The following TOX variants were observed in gnomAD, a reference collection of about 807,000 sequenced individuals.
The protein encoded by TOX is thymocyte selection associated high mobility group box.
In TOX, 11 loss-of-function variants were observed where a neutral mutation model predicts 53.7. The ratio of observed to expected loss-of-function variants is 0.20; its 90% CI spans 0.13 to 0.34. The LOEUF (loss-of-function observed/expected upper bound fraction) is 0.34, where lower values mean the gene tolerates loss of function less well. TOX is among the 10% of genes least tolerant of loss of function. TOX has a pLI of 1.00. For synonymous variants in TOX, 225 were observed against 245.3 expected, an observed-to-expected ratio of 0.92 and a Z score of 0.77; for missense variants, 570 against 664.6, an observed-to-expected ratio of 0.86 and a Z score of 1.56.
intron 1 of TOX, among the ~76,000 whole-genome samples, chr8:59,114,993 G>A (rs533111589): frequency 5.4e-4 from 82 of 152,048 alleles, no homozygotes; most frequent in African/African-American, 1.8e-3. Flanking sequence ...GCGTTTTTAC[G>A]AAAAAGAACA....
chr8:59,095,310 C>T (rs1309923790), intron 1 of TOX, among the ~76,000 whole-genome samples: 11 of 150,920 alleles, frequency 7.3e-5, no homozygotes, highest in Admixed American at 4.0e-4. Context: ...AAACAATTTA[C>T]GACTAGGACT....
chr8:59,045,046 T>G (rs1219981676), intron 1 of TOX, among the ~76,000 whole-genome samples: 1 of 152,260 alleles, frequency 6.6e-6, no homozygotes, highest in Non-Finnish European at 1.5e-5. Flanking sequence ...TTGTACAGAA[T>G]TGTTCTAATG....
chr8:58,869,264 T>A (rs1423823553), intron 3 of TOX, among the ~76,000 whole-genome samples: 1 of 146,722 alleles, frequency 6.8e-6, no homozygotes, highest in South Asian at 2.1e-4. Context: ...AAGTATAATA[T>A]GAATAAGTCT....
chr8:59,041,812 C>T (rs1381463238), intron 1 of TOX, among the ~76,000 whole-genome samples: 3 of 152,174 alleles, frequency 2.0e-5, no homozygotes, highest in Non-Finnish European at 4.4e-5. Context: ...CACTGTCTAC[C>T]ACCATCATGT....
chr8:59,101,180 T>C (rs1415266045), intron 1 of TOX, among the ~76,000 whole-genome samples: 2 of 152,200 alleles, frequency 1.3e-5, no homozygotes, highest in Admixed American at 6.5e-5. Context: ...AATATTAAAG[T>C]TGTCCATTTA....
chr8:58,949,091 G>A (rs1483757670), intron 2 of TOX, among the ~76,000 whole-genome samples: 1 of 152,158 alleles, frequency 6.6e-6, no homozygotes, highest in Admixed American at 6.5e-5. Flanking sequence ...CTATAAAATA[G>A]GGATGATGAT....
At position 58,895,063 on chromosome 8, in the gene TOX, C is replaced by T. The variant is rs140591932; in HGVS notation, c.412-43258G>A. ...ATTAGCTGGGCATGGTGGCAGGTAC[C>T]CGTAATCCCAGCTACTCAGGAGGCT... On this transcript the variant is annotated intron_variant, in intron 3 of 8. Coordinates refer to ENST00000361421, the MANE Select transcript of TOX (RefSeq NM_014729.3). Among the ~76,000 whole-genome samples, 32 of 152,092 alleles carry T rather than the reference C, an allele frequency of 2.1e-4. No individual in the cohort carries two copies. In the East Asian group the frequency reaches 5.6e-3, roughly 27 times the overall value.
At chr8:58,869,245 C>G (rs942803503) in intron 3 of TOX, among the ~76,000 whole-genome samples, 1 of 124,786 alleles carries the variant, frequency 8.0e-6, no homozygotes, top group Non-Finnish European at 1.7e-5. Flanking sequence ...AAAAAAAAAG[C>G]GTTAATAGAA....
chr8:58,988,315 G>A lies in TOX; in HGVS notation c.103-28307C>T, dbSNP rs199594956. ...AACTAATGGTCACAGGCCAAATCTG[G>A]TCTGCTGTCTGCTTTTATAAACATA... On this transcript the variant is annotated intron_variant, in intron 1 of 8. Coordinates refer to ENST00000361421, the MANE Select transcript of TOX (RefSeq NM_014729.3). Among the ~76,000 whole-genome samples the A allele has an allele frequency of 9.8e-5, 15 of 152,290 alleles. No homozygotes were observed. The East Asian group carries it at 1.7e-3, about 18-fold the overall frequency.
intron 1 of TOX, among the ~76,000 whole-genome samples, chr8:59,012,051 G>T (rs310366): frequency 0.5 from 75,191 of 151,814 alleles, 21,215 homozygotes; most frequent in Non-Finnish European, 0.61. Flanking sequence ...CACCCTGGAG[G>T]CATTGCATCC....
chr8:58,912,536 A>G (rs574511469), intron 3 of TOX, among the ~76,000 whole-genome samples: 1 of 152,334 alleles, frequency 6.6e-6, no homozygotes, highest in East Asian at 1.9e-4. Context: ...CAGCTCTCAA[A>G]CCTGAGTATG....
rs1159146720 is a variant in TOX at position 58,851,733 on chromosome 8, C to A, written c.484G>T (p.Gly162Cys). The part of the protein sequence containing the change: ...HPQMAAMRPR[G>C]QPADIRQQPG... ...TGCTGCCTGATGTCTGCAGGCTGGC[C>A]CCTTGGTCTCATGGCTGCCATCTGA... is the stretch of plus-strand genomic sequence containing the variant. Residue 162 changes from glycine to cysteine, a missense_variant, in exon 4 of 9, where the codon GGC (glycine) becomes TGC (cysteine). Coordinates refer to ENST00000361421, the MANE Select transcript of TOX (RefSeq NM_014729.3). The surrounding 1 kb of genome is among the most constrained non-coding windows in gnomAD (Gnocchi z 4.4). 6 of 1,612,934 alleles carry A rather than the reference C, an allele frequency of 3.7e-6. No individual in the cohort carries two copies. In the East Asian group the frequency reaches 1.3e-4, roughly 36 times the overall value.
chr8:59,038,006 T>A (rs1019757702), intron 1 of TOX, among the ~76,000 whole-genome samples: 14 of 152,108 alleles, frequency 9.2e-5, no homozygotes, highest in African/African-American at 3.1e-4. Flanking sequence ...TTAGAGAACA[T>A]CTAGTGTCTC....
chr8:58,939,601 T>C, intron 2 of TOX, 57 bp from the exon 3 acceptor site: 1 of 1,537,588 alleles, frequency 6.5e-7, no homozygotes, highest in Non-Finnish European at 8.8e-7. Context: ...CTCTTCATCA[T>C]CATATCAAAC....
intron 1 of TOX, among the ~76,000 whole-genome samples, chr8:59,080,760 T>C (rs2129423141): frequency 6.6e-6 from 1 of 152,290 alleles, no homozygotes; most frequent in Admixed American, 6.5e-5. Context: ...GTTTTCAACA[T>C]GTGATGTGCC....
chr8:59,080,250 G>A (rs1804379300), intron 1 of TOX, among the ~76,000 whole-genome samples: 1 of 152,104 alleles, frequency 6.6e-6, no homozygotes, highest in Non-Finnish European at 1.5e-5. Flanking sequence ...TAAAGTGCTA[G>A]GATTACAGGC....
At chr8:58,962,725 G>A (rs1812822480) in intron 1 of TOX, among the ~76,000 whole-genome samples, 1 of 152,184 alleles carries the variant, frequency 6.6e-6, no homozygotes, top group Non-Finnish European at 1.5e-5. Context: ...AGGACTGCTT[G>A]AGCCTGGGAG....
At chr8:58,864,192 C>T (rs1300052891) in intron 3 of TOX, among the ~76,000 whole-genome samples, 1 of 152,102 alleles carries the variant, frequency 6.6e-6, no homozygotes, top group East Asian at 1.9e-4. Flanking sequence ...GAGTTTAAAA[C>T]CTCAAAAATT....
intron 1 of TOX, among the ~76,000 whole-genome samples, chr8:59,075,946 G>A (rs370964672): frequency 1.3e-4 from 19 of 151,614 alleles, no homozygotes; most frequent in Non-Finnish European, 1.5e-4. Flanking sequence ...CGGAGGTTGC[G>A]GTGAGCCCAG....
Sources: gnomAD v4.1 joint callset for allele counts (sites outside exome capture counted in the v4.1 genomes callset) on GRCh38, gnomAD v4.1.1 for gene constraint, Gnocchi (gnomAD v3.1) non-coding constraint, MANE v1.5 for transcripts, NCBI Gene and HGNC (gene_info 2026-07-23, HGNC 2026-07-21) for gene names.